SOX5: variants seen among roughly 807,000 people sequenced by gnomAD.
SOX5 encodes transcription factor SOX-5.
SOX5 carries 9 observed loss-of-function variants against 92.0 expected under a neutral mutation model. The ratio of observed to expected loss-of-function variants is 0.10; its 90% CI spans 0.06 to 0.17. The LOEUF is 0.17. Among genes scored for constraint, SOX5 ranks in the 10% least tolerant of loss-of-function variants. The pLI is 1.00. For synonymous variants in SOX5, 344 were observed against 336.3 expected (o/e 1.02, Z -0.25); for missense variants, 642 against 944.5 (o/e 0.68, Z 4.20).
chr12:23,682,966 GA>G (rs1317176885), intron 6 of SOX5, among the ~76,000 whole-genome samples: 1 of 151,892 alleles, frequency 6.6e-6, no homozygotes, highest in Admixed American at 6.6e-5. Context: ...CTTTTGAAAG[GA>G]ATGTAAATAT....
At position 23,529,833 on chromosome 12, in the gene SOX5, G is replaced by A. The variant is rs1046612901; in HGVS notation, c.*4386C>T. 6.6e-6 allele frequency: 1 copy of A among 152,066 alleles called. No individual in the cohort carries two copies. The highest frequency in any genetic ancestry group is 6.6e-5 in the Admixed American group (1 of 15,260). 9.4% of individuals were successfully genotyped at this position (152,066 alleles called of 1,614,324 possible). A position where few individuals can be genotyped will look rare whatever the true frequency, so the allele number is the denominator to read the frequency against. On this transcript the variant is annotated 3_prime_UTR_variant, in exon 15 of 15. Coordinates refer to ENST00000451604, the MANE Select transcript of SOX5 (RefSeq NM_006940.6). ...TGAGATGGTAGGTTGCACATACTTTGTTTTAAGCTCCAGGCATTTGATTGT... is the reference window on the plus strand; with the variant it reads ...TGAGATGGTAGGTTGCACATACTTTATTTTAAGCTCCAGGCATTTGATTGT...
intron 4 of SOX5, among the ~76,000 whole-genome samples, chr12:23,977,648 A>G (rs1306838090): frequency 7.4e-6 from 1 of 134,930 alleles, no homozygotes; most frequent in Non-Finnish European, 1.6e-5. Flanking sequence ...CCTGGTCGAG[A>G]GTCTCGTTCT....
chr12:24,435,306 G>A lies in SOX5; in HGVS notation c.-250-66667C>T, dbSNP rs557280708. On this transcript the variant is annotated intron_variant, in intron 1 of 4. Transcript: ENST00000446891. ...AGATGAAGATGTACCCCTTTCTGAC[G>A]GCATTAGCTGGGCCTGTAGTGTCAC... Among the ~76,000 whole-genome samples the A allele has an allele frequency of 1.3e-4, 20 of 152,274 alleles. No individual in the cohort carries two copies. The South Asian group carries it at 3.3e-3, about 25-fold the overall frequency.
chr12:23,932,058 A>G (rs528344574), intron 1 of SOX5, among the ~76,000 whole-genome samples: 16 of 138,810 alleles, frequency 1.2e-4, no homozygotes, highest in Non-Finnish European at 2.0e-4. Context: ...AATCTAAGCC[A>G]AAAAAAAAAA....
At chr12:23,581,111 T>A (rs190119624) in intron 9 of SOX5, among the ~76,000 whole-genome samples, 48 of 152,156 alleles carry the variant, frequency 3.2e-4, no homozygotes, top group Middle Eastern at 6.8e-3. Flanking sequence ...AAATCAAACA[T>A]AATTTAACAA....
intron 1 of SOX5, among the ~76,000 whole-genome samples, chr12:24,486,174 C>T (rs551989168): frequency 6.6e-6 from 1 of 152,206 alleles, no homozygotes; most frequent in African/African-American, 2.4e-5. Flanking sequence ...TGGCCTTAAG[C>T]GATCCTCCCA....
chr12:24,420,184 C>T (rs1267644673), intron 1 of SOX5, among the ~76,000 whole-genome samples: 1 of 152,172 alleles, frequency 6.6e-6, no homozygotes, highest in Non-Finnish European at 1.5e-5. Context: ...GAGCTGAAAA[C>T]TTTAAGCACA....
At chr12:24,372,516 T>G (rs1448313169) in intron 1 of SOX5, among the ~76,000 whole-genome samples, 1 of 152,234 alleles carries the variant, frequency 6.6e-6, no homozygotes, top group Non-Finnish European at 1.5e-5. Flanking sequence ...CCACATTTCC[T>G]TTATCCAGTC....
intron 4 of SOX5, among the ~76,000 whole-genome samples, chr12:23,982,535 G>A (rs1327200338): frequency 1.3e-5 from 2 of 152,120 alleles, no homozygotes. Context: ...CAGAAATGCT[G>A]CATGGTATAT....
chr12:24,089,518 C>T (rs1944396725), intron 4 of SOX5, among the ~76,000 whole-genome samples: 1 of 152,030 alleles, frequency 6.6e-6, no homozygotes, highest in South Asian at 2.1e-4. Flanking sequence ...CATTCAGGAA[C>T]AGAACATATA....
At chr12:23,535,240 G>A in intron 14 of SOX5, among the ~76,000 whole-genome samples, 1 of 152,074 alleles carries the variant, frequency 6.6e-6, no homozygotes, top group Non-Finnish European at 1.5e-5. Context: ...ATTTTAATGG[G>A]AAAATCCTAA....
chr12:24,338,590 G>A (rs146820610), intron 2 of SOX5, among the ~76,000 whole-genome samples: 2 of 152,286 alleles, frequency 1.3e-5, no homozygotes, highest in South Asian at 2.1e-4. Context: ...TATTCAGGTT[G>A]TGATATGGTT....
In SOX5 at chr12:24,425,412, A is replaced by G. The variant is rs1342641257; in HGVS notation, c.-250-56773T>C. On this transcript the variant is annotated intron_variant, in intron 1 of 4. Coordinates refer to the SOX5 transcript ENST00000446891. The stretch of plus-strand genomic sequence containing the variant: ...ACTTCGACAGGCATCAGATGCTCCT[A>G]AGAGCCCACCTGACTACAAGCTCAC... Among the ~76,000 whole-genome samples the G allele has an allele frequency of 3.9e-5, 6 of 152,318 alleles. No homozygotes were observed. In the East Asian group the frequency reaches 7.7e-4, roughly 20 times the overall value.
At chr12:24,362,160 G>A (rs1955647400) in intron 2 of SOX5, among the ~76,000 whole-genome samples, 1 of 152,178 alleles carries the variant, frequency 6.6e-6, no homozygotes, top group South Asian at 2.1e-4. Flanking sequence ...AGAGATATGT[G>A]CATATGTATA....
In SOX5 at chr12:24,229,799, G is replaced by A. The variant is rs79691148; in HGVS notation, c.-76-16382C>T. On this transcript the variant is annotated intron_variant, in intron 3 of 4. Coordinates refer to the SOX5 transcript ENST00000446891. ...TAATAGGCTGGGCAGGAAAAAGACC[G>A]CTAGCAATAAAAGGGGGAACAAAAT... Among the ~76,000 whole-genome samples the A allele has an allele frequency of 1.6e-4, 25 of 152,268 alleles. No homozygotes were observed. In the East Asian group the frequency reaches 4.1e-3, roughly 25 times the overall value.
intron 1 of SOX5, among the ~76,000 whole-genome samples, chr12:24,537,413 G>A (rs1168079852): frequency 6.6e-6 from 1 of 152,162 alleles, no homozygotes; most frequent in African/African-American, 2.4e-5. Context: ...AAAATGATAG[G>A]TTCTTTTTAA....
intron 4 of SOX5, among the ~76,000 whole-genome samples, chr12:23,992,878 C>A (rs1213424555): frequency 6.6e-6 from 1 of 152,158 alleles, no homozygotes; most frequent in Non-Finnish European, 1.5e-5. Context: ...TGACAAAAGA[C>A]AAGACTCTAT....
intron 7 of SOX5, among the ~76,000 whole-genome samples, chr12:23,657,278 T>C (rs1369997287): frequency 6.6e-6 from 1 of 152,130 alleles, no homozygotes; most frequent in African/African-American, 2.4e-5. Context: ...ATTACGGAAG[T>C]AAAAAATATT....
At chr12:24,489,034 T>A (rs1281140230) in intron 1 of SOX5, among the ~76,000 whole-genome samples, 1 of 152,222 alleles carries the variant, frequency 6.6e-6, no homozygotes, top group Non-Finnish European at 1.5e-5. Flanking sequence ...TCATTTGTTC[T>A]TCATGGCAAG....
Sources: allele counts gnomAD v4.1 joint callset (sites outside exome capture counted in the v4.1 genomes callset), GRCh38; gene constraint gnomAD v4.1.1; transcripts MANE v1.5; gene names NCBI Gene and HGNC (gene_info 2026-07-23, HGNC 2026-07-21).